Variants in GGT5 observed in about 807,000 individuals in gnomAD.
GGT5 encodes glutathione hydrolase 5 proenzyme.
In GGT5, 50 loss-of-function variants were observed where a neutral mutation model predicts 58.1. The observed-to-expected ratio is 0.86, with a 90% CI of 0.69 to 1.09. The LOEUF is 1.09. Among genes scored for constraint, GGT5 ranks in the 50% least tolerant of loss-of-function variants. The pLI is 0.00. For synonymous variants in GGT5, 370 were observed against 346.1 expected (o/e 1.07, Z -0.77); for missense variants, 800 against 789.4 (o/e 1.01, Z -0.16).
chr22:24,237,588 C>T (rs1373748379), intron 1 of GGT5, among the ~76,000 whole-genome samples: 3 of 151,912 alleles, frequency 2.0e-5, no homozygotes, highest in Admixed American at 6.6e-5. Context: ...TTTGTATTTT[C>T]AGTAGAGACA....
rs768842264 is a variant in GGT5, at chr22:24,232,974, C to T, written c.445G>A (p.Glu149Lys). 3.8e-5 allele frequency: 60 copies of T among 1,561,272 alleles called. No individual in the cohort carries two copies. The Middle Eastern group carries it at 8.6e-4, about 22-fold the overall frequency. The change falls in exon 4 of 12, where the codon GAG becomes AAG. Residue 149 changes from glutamate to lysine, a missense_variant. Transcript: ENST00000327365. Reference sequence around the variant, plus strand: ...AGGCGGCCATGGCGGCGGTGGGCCTCGGCATAGCCACGGAGCTCCCCGGGC... The same window carrying T: ...AGGCGGCCATGGCGGCGGTGGGCCTTGGCATAGCCACGGAGCTCCCCGGGC... ...GVPGELRGYA[E>K]AHRRHGRLPW...
intron 11 of GGT5, 107 bp from the exon 12 acceptor site, chr22:24,220,223 GAGGAAGAGGGCCTGAAGACAC>G: frequency 2.8e-6 from 3 of 1,059,016 alleles, no homozygotes; most frequent in South Asian, 3.0e-5. Context: ...GCAAGACGGA[GAGGAAGAGGGCCTGAAGACAC>G]AGGAAGAGGG....
chr22:24,244,759 T>C lies in GGT5; in HGVS notation c.-34A>G. ...AGCCCAGGAGGAGAGGGGCGGCTGG[T>C]GGGCAGACGGAGGGACGGATGGGTG... On this transcript the variant is annotated 5_prime_UTR_variant, in exon 1 of 12. Coordinates refer to ENST00000327365, the MANE Select transcript of GGT5 (RefSeq NM_004121.5). 1.3e-6 allele frequency: 2 copies of C among 1,575,560 alleles called. No homozygotes were observed. The highest frequency in any genetic ancestry group is 1.7e-6 in the Non-Finnish European group (2 of 1,158,720).
chr22:24,226,215 G>A lies in GGT5; in HGVS notation c.1090C>T (p.Gln364Ter). The A allele has an allele frequency of 6.2e-7, 1 of 1,609,622 alleles. No homozygotes were observed. The highest frequency in any genetic ancestry group is 1.7e-5 in the Admixed American group (1 of 59,962). ...GETLAQLIRQ[Q>*]IDGRGDHQLS... ...TGGTGGTCCCCCCGGCCATCGATCT[G>A]TTGGCGGATGAGCTGGGCCAGGGTC... The change falls in exon 8 of 12, where the codon CAG (glutamine) becomes TAG (stop). Residue 364 changes from glutamine (Q) to a stop codon, truncating the protein, a stop_gained. Coordinates refer to ENST00000327365, the MANE Select transcript of GGT5 (RefSeq NM_004121.5). LOFTEE classifies it high-confidence loss of function.
intron 1 of GGT5, among the ~76,000 whole-genome samples, chr22:24,237,545 A>G (rs1247724034): frequency 2.6e-5 from 4 of 152,080 alleles, no homozygotes; most frequent in Non-Finnish European, 5.9e-5. Context: ...AGTAGCTGGG[A>G]TTACAGCCAC....
chr22:24,222,920 A>G (rs917925122), intron 11 of GGT5, among the ~76,000 whole-genome samples: 4 of 152,050 alleles, frequency 2.6e-5, no homozygotes, highest in Non-Finnish European at 5.9e-5. Context: ...TACTAAAAAT[A>G]CAAAAAATTA....
At position 24,219,889 on chromosome 22, in the gene GGT5, G is replaced by A; in HGVS notation, c.*81C>T. The A allele has an allele frequency of 1.4e-6, 2 of 1,394,988 alleles. No individual in the cohort carries two copies. The highest frequency in any genetic ancestry group is 4.6e-5 in the East Asian group (2 of 43,548). 86.4% of individuals were successfully genotyped at this position (1,394,988 alleles called of 1,614,324 possible). ...TGCCAGGGGTCCAGATCCTGCCAGAGTAGTTGGTCCCCCAGCCATGTCCGG... is the reference window on the plus strand; with the variant it reads ...TGCCAGGGGTCCAGATCCTGCCAGAATAGTTGGTCCCCCAGCCATGTCCGG... On this transcript the variant is annotated 3_prime_UTR_variant, in exon 12 of 12. Transcript: ENST00000327365.
chr22:24,238,799 A>T (rs1158018739), intron 1 of GGT5, among the ~76,000 whole-genome samples: 55 of 2,458 alleles, frequency 0.022, 3 homozygotes, highest in Admixed American at 0.22. Context: ...ATATATTTAT[A>T]TATATATAAT....
intron 5 of GGT5, 95 bp from the exon 6 acceptor site, chr22:24,231,625 A>C: frequency 2.2e-5 from 28 of 1,267,884 alleles, no homozygotes; most frequent in Middle Eastern, 3.8e-4. Context: ...GATTCCACTC[A>C]TGCTTTTGCC....
intron 4 of GGT5, among the ~76,000 whole-genome samples, 196 bp downstream of exon 4, chr22:24,232,627 C>A (rs1444052578): frequency 6.6e-6 from 1 of 152,130 alleles, no homozygotes; most frequent in Non-Finnish European, 1.5e-5. Flanking sequence ...GCAATAAACT[C>A]CCCGCAGCCT....
Position 24,219,982 on chromosome 22 carries a change from G to T in GGT5, c.1749C>A (p.Ala583=), listed in dbSNP as rs372251413. 8 of 1,614,000 alleles carry T rather than the reference G, an allele frequency of 5.0e-6. No individual in the cohort carries two copies. Among genetic ancestry groups the T allele is most frequent in the Non-Finnish European group, 6.8e-6 (8 of 1,179,944 alleles). ...AVSDLRKSGE[A]AGY is the part of the protein sequence containing the mutation. Reference sequence around the variant, plus strand: ...GCAGAGCAGTGTCTTAGTAGCCTGCGGCCTCCCCACTCTTCCTCAGGTCCG... The same window carrying T: ...GCAGAGCAGTGTCTTAGTAGCCTGCTGCCTCCCCACTCTTCCTCAGGTCCG... The change falls in exon 12 of 12, where the codon GCC becomes GCA. Residue 583 remains alanine (A), a synonymous_variant. Coordinates refer to ENST00000327365, the MANE Select transcript of GGT5 (RefSeq NM_004121.5).
At chr22:24,220,204 G>T (rs1444703495) in intron 11 of GGT5, 88 bp from the exon 12 acceptor site, 5 of 1,314,188 alleles carry the variant, frequency 3.8e-6, no homozygotes, top group Admixed American at 2.1e-5. Flanking sequence ...TGAGAAAAAT[G>T]ATCAAAAGGC....
At chr22:24,239,632 CT>C (rs1422671530) in intron 1 of GGT5, among the ~76,000 whole-genome samples, 1 of 151,998 alleles carries the variant, frequency 6.6e-6, no homozygotes, top group African/African-American at 2.4e-5. Flanking sequence ...GCTCTACACT[CT>C]CAACATAAAT....
intron 1 of GGT5, among the ~76,000 whole-genome samples, chr22:24,237,007 C>CTTTTTTTTTTTTTTTTTTTTTTTTT (rs35060391): frequency 7.6e-6 from 1 of 131,122 alleles, no homozygotes; most frequent in Non-Finnish European, 1.6e-5. Context: ...TCTTTTCTCT[C>CTTTTTTTTTTTTTTTTTTTTTTTTT]TTTTTTTTTT....
At chr22:24,226,384 G>A in intron 7 of GGT5, 118 bp from the exon 8 acceptor site, 1 of 840,448 alleles carries the variant, frequency 1.2e-6, no homozygotes, top group Non-Finnish European at 1.8e-6. Flanking sequence ...CTACCTTGTG[G>A]CCAGGTCTCC....
At chr22:24,234,173 T>G (rs906693622) in intron 1 of GGT5, among the ~76,000 whole-genome samples, 169 bp from the exon 2 acceptor site, 3 of 152,248 alleles carry the variant, frequency 2.0e-5, no homozygotes, top group Admixed American at 2.0e-4. Context: ...CAAATCCAGC[T>G]GCTCACAGGT....
Position 24,219,827 on chromosome 22 carries a change from G to A in GGT5, c.*143C>T. Reference sequence around the variant, plus strand: ...GCTCAGCCTCTCATCTGCCCAGCTGGTCCCCGCCACCTCTTCCACTCTCAG... The same window carrying A: ...GCTCAGCCTCTCATCTGCCCAGCTGATCCCCGCCACCTCTTCCACTCTCAG... On this transcript the variant is annotated 3_prime_UTR_variant, in exon 12 of 12. Transcript: ENST00000327365. The A allele has an allele frequency of 1.3e-6, 1 of 750,570 alleles. No homozygotes were observed. Among genetic ancestry groups the A allele is most frequent in the Non-Finnish European group, 2.2e-6 (1 of 464,038 alleles). The allele number at this position is 750,570 out of a possible 1,614,324, so 46.5% of individuals were successfully genotyped here.
intron 1 of GGT5, among the ~76,000 whole-genome samples, chr22:24,234,655 A>G (rs560034528): frequency 6.6e-6 from 1 of 152,066 alleles, no homozygotes; most frequent in African/African-American, 2.4e-5. Flanking sequence ...CCCCGTCTCT[A>G]CTAAAAATAC....
Position 24,231,418 on chromosome 22 carries a change from A to T in GGT5, c.867T>A (p.Gly289=), listed in dbSNP as rs1165724750. The change falls in exon 6 of 12, where the codon GGT becomes GGA. Residue 289 remains glycine, a synonymous_variant. Coordinates refer to ENST00000327365, the MANE Select transcript of GGT5 (RefSeq NM_004121.5). ...CGTTGAGGATAAAGCTGAGAATGGC[A>T]CCCCCTGCAGGCGGCGGTGGTGAGT... ...TLYSPPPPAG[G]AILSFILNVL... 5 of 1,552,722 alleles carry T rather than the reference A, an allele frequency of 3.2e-6. No individual in the cohort carries two copies. In the South Asian group the frequency reaches 5.9e-5, roughly 18 times the overall value.
Sources: allele counts gnomAD v4.1 joint callset (sites outside exome capture counted in the v4.1 genomes callset), GRCh38; gene constraint gnomAD v4.1.1; transcripts MANE v1.5; gene names NCBI Gene and HGNC (gene_info 2026-07-23, HGNC 2026-07-21).